Variants in ATRNL1 observed in about 807,000 individuals in gnomAD.
The protein encoded by ATRNL1 is attractin-like protein 1.
ATRNL1 carries 95 observed loss-of-function variants against 182.7 expected under a neutral mutation model. The ratio of observed to expected loss-of-function variants is 0.52; its 90% CI spans 0.44 to 0.62. The LOEUF is 0.62. Ranked by LOEUF, ATRNL1 falls within the 20% of genes least tolerant of loss-of-function variation. The pLI is 0.00. For missense variants in ATRNL1, 1,471 were observed against 1,679.5 expected (o/e 0.88, Z 2.17); for synonymous variants, 576 against 568.3 (o/e 1.01, Z -0.19).
At chr10:115,721,201 A>G (rs74437020) in intron 26 of ATRNL1, among the ~76,000 whole-genome samples, 3,949 of 152,248 alleles carry the variant, frequency 0.026, 175 homozygotes, top group African/African-American at 0.089. Context: ...TATGAATTAT[A>G]TAATCAGTGT....
intron 26 of ATRNL1, among the ~76,000 whole-genome samples, chr10:115,706,764 T>C (rs543869670): frequency 6.1e-4 from 92 of 152,064 alleles, no homozygotes; most frequent in African/African-American, 2.1e-3. Context: ...AAGTCATGTA[T>C]AGTGCCATGC....
At chr10:115,196,325 A>G (rs1253887165) in intron 8 of ATRNL1, among the ~76,000 whole-genome samples, 1 of 152,158 alleles carries the variant, frequency 6.6e-6, no homozygotes, top group Non-Finnish European at 1.5e-5. Context: ...TTATTCTAGT[A>G]TCACACTCTA....
rs1159391243 is a variant in ATRNL1 at position 115,728,620 on chromosome 10, T to A, written c.3903+1265T>A. Among the ~76,000 whole-genome samples the A allele has an allele frequency of 4.6e-5, 7 of 152,278 alleles. No homozygotes were observed. In the East Asian group the frequency reaches 1.4e-3, roughly 29 times the overall value. On this transcript the variant is annotated intron_variant, in intron 27 of 28. Coordinates refer to ENST00000355044, the MANE Select transcript of ATRNL1 (RefSeq NM_207303.4). ...ATATAATAGATTCTGTCTGTAGCAT[T>A]TTTGTTTTTTCTGAAAAAATAAGAC...
chr10:115,599,190 G>A (rs1856451588), intron 26 of ATRNL1, among the ~76,000 whole-genome samples: 1 of 152,134 alleles, frequency 6.6e-6, no homozygotes, highest in Non-Finnish European at 1.5e-5. Context: ...CCCAAACTAT[G>A]ATTTTTGCTT....
intron 24 of ATRNL1, among the ~76,000 whole-genome samples, chr10:115,498,211 T>G (rs922825989): frequency 3.9e-5 from 6 of 152,134 alleles, no homozygotes; most frequent in African/African-American, 1.4e-4. Context: ...TCTTTGCCTA[T>G]TATTATTATT....
intron 5 of ATRNL1, among the ~76,000 whole-genome samples, chr10:115,129,806 T>C (rs1845143426): frequency 6.6e-6 from 1 of 152,194 alleles, no homozygotes; most frequent in Admixed American, 6.5e-5. Context: ...ATAATTATGG[T>C]CTTCTGTAAT....
intron 13 of ATRNL1, 76 bp downstream of exon 13, chr10:115,268,520 G>T: frequency 9.6e-7 from 1 of 1,040,406 alleles, no homozygotes; most frequent in East Asian, 2.4e-5. Flanking sequence ...CCATTTAGTA[G>T]CACTGTAGAA....
intron 10 of ATRNL1, among the ~76,000 whole-genome samples, chr10:115,257,251 G>T (rs1554907285): frequency 6.6e-6 from 1 of 152,140 alleles, no homozygotes; most frequent in East Asian, 1.9e-4. Context: ...CATTATTATT[G>T]TGTGGGAGTC....
intron 27 of ATRNL1, among the ~76,000 whole-genome samples, chr10:115,758,152 C>T (rs149999662): frequency 0.01 from 1,593 of 152,074 alleles, 29 homozygotes; most frequent in African/African-American, 0.033. Flanking sequence ...CCTTCTGAAG[C>T]CTACTTCTGA....
At chr10:115,264,249 C>T (rs1554909765) in intron 10 of ATRNL1, among the ~76,000 whole-genome samples, 2 of 151,202 alleles carry the variant, frequency 1.3e-5, no homozygotes, top group Admixed American at 6.6e-5. Flanking sequence ...TGAGTTGAAA[C>T]CAAATTTATT....
At chr10:115,677,796 T>G (rs1191428337) in intron 26 of ATRNL1, among the ~76,000 whole-genome samples, 1 of 151,994 alleles carries the variant, frequency 6.6e-6, no homozygotes, top group Non-Finnish European at 1.5e-5. Flanking sequence ...GGCTTACCTA[T>G]CTAGGTGATG....
At chr10:115,196,349 C>G (rs1554891028) in intron 8 of ATRNL1, among the ~76,000 whole-genome samples, 1 of 152,090 alleles carries the variant, frequency 6.6e-6, no homozygotes, top group African/African-American at 2.4e-5. Flanking sequence ...ATTACTGTAG[C>G]TCTCTAAATC....
At chr10:115,768,394 T>G (rs1948909562) in intron 27 of ATRNL1, among the ~76,000 whole-genome samples, 1 of 152,172 alleles carries the variant, frequency 6.6e-6, no homozygotes, top group South Asian at 2.1e-4. Flanking sequence ...TAGATTTACT[T>G]ATTTACATTA....
chr10:115,340,855 G>A (rs527829277), intron 19 of ATRNL1, among the ~76,000 whole-genome samples: 1 of 151,540 alleles, frequency 6.6e-6, no homozygotes, highest in Non-Finnish European at 1.5e-5. Flanking sequence ...TTGAATTTTT[G>A]CAGTATCCTT....
intron 11 of ATRNL1, among the ~76,000 whole-genome samples, chr10:115,265,604 A>T (rs1851576764): frequency 6.6e-6 from 1 of 151,700 alleles, no homozygotes; most frequent in Non-Finnish European, 1.5e-5. Flanking sequence ...AACTGAAATG[A>T]TAGAGAGGCT....
chr10:115,246,555 T>TAACAAGTCTGTATCCA (rs1850652558), intron 10 of ATRNL1, among the ~76,000 whole-genome samples: 8 of 116,232 alleles, frequency 6.9e-5, no homozygotes, highest in South Asian at 5.8e-4. Flanking sequence ...CTCTCATTCT[T>TAACAAGTCTGTATCCA]TTTTTTTTTT....
At chr10:115,571,266 A>T (rs1342459920) in intron 26 of ATRNL1, among the ~76,000 whole-genome samples, 1 of 152,178 alleles carries the variant, frequency 6.6e-6, no homozygotes, top group Non-Finnish European at 1.5e-5. Context: ...TCAGACATAA[A>T]CGTGTGGAAA....
chr10:115,734,911 G>C (rs1367049931), intron 27 of ATRNL1, among the ~76,000 whole-genome samples: 1 of 151,990 alleles, frequency 6.6e-6, no homozygotes, highest in Non-Finnish European at 1.5e-5. Context: ...CATAGTTTAA[G>C]TCAAAAATTA....
At chr10:115,114,913 G>A (rs1554869421) in intron 1 of ATRNL1, among the ~76,000 whole-genome samples, 1 of 151,966 alleles carries the variant, frequency 6.6e-6, no homozygotes, top group Non-Finnish European at 1.5e-5. Flanking sequence ...TCAGTATGTT[G>A]GAGAGATGTT....
Sources: gnomAD v4.1 joint callset for allele counts (sites outside exome capture counted in the v4.1 genomes callset) on GRCh38, gnomAD v4.1.1 for gene constraint, MANE v1.5 for transcripts, NCBI Gene and HGNC (gene_info 2026-07-23, HGNC 2026-07-21) for gene names.